Variants in PLCE1 observed in about 807,000 individuals in gnomAD.
PLCE1 encodes the protein phospholipase C epsilon 1, also known as 1-phosphatidylinositol 4,5-bisphosphate phosphodiesterase epsilon-1.
PLCE1 carries 119 observed loss-of-function variants against 242.8 expected under a neutral mutation model. That is an observed-to-expected ratio of 0.49 (90% confidence interval 0.42 to 0.57). PLCE1 has a LOEUF of 0.57. PLCE1 is among the 20% of genes least tolerant of loss of function. The probability of loss-of-function intolerance (pLI) is 0.00; values close to 1 mark genes in which losing one functional copy is unlikely to be tolerated. For missense variants in PLCE1, 2,441 were observed against 2,788.8 expected (o/e 0.88, Z 2.81); for synonymous variants, 945 against 1,017.4 (o/e 0.93, Z 1.35).
intron 7 of PLCE1, among the ~76,000 whole-genome samples, chr10:94,241,318 T>C (rs1295726435): frequency 2.6e-5 from 4 of 152,246 alleles, no homozygotes; most frequent in Non-Finnish European, 4.4e-5. Context: ...CATGCTTGAC[T>C]TAACTCAGAA....
chr10:94,204,803 C>T (rs2949003), intron 4 of PLCE1, among the ~76,000 whole-genome samples: 1 of 101,612 alleles, frequency 9.8e-6, no homozygotes, highest in African/African-American at 3.8e-5. Flanking sequence ...AGGAAGGAAG[C>T]AAAATAATGT....
Position 94,315,937 on chromosome 10 carries a change from A to G in PLCE1, c.6133-610A>G, listed in dbSNP as rs1378414418. On this transcript the variant is annotated intron_variant, in intron 28 of 32. Transcript: ENST00000371380. The stretch of plus-strand genomic sequence containing the variant: ...TCCAAGGGATTAAGTATCTTACCCA[A>G]TAATTCGTAGCCAACAAGTATTAAA... Among the ~76,000 whole-genome samples the G allele has an allele frequency of 3.3e-5, 5 of 152,104 alleles. No individual in the cohort carries two copies. In the East Asian group the frequency reaches 5.8e-4, roughly 18 times the overall value.
At chr10:94,247,685 T>TA (rs1421241636) in intron 8 of PLCE1, among the ~76,000 whole-genome samples, 16 of 152,224 alleles carry the variant, frequency 1.1e-4, no homozygotes, top group Non-Finnish European at 2.4e-4. Flanking sequence ...ATTAGGTTTG[T>TA]AGTGGTGGCA....
At chr10:94,004,215 G>A (rs1209141438) in intron 1 of PLCE1, among the ~76,000 whole-genome samples, 4 of 152,116 alleles carry the variant, frequency 2.6e-5, no homozygotes, top group Non-Finnish European at 4.4e-5. Flanking sequence ...GGCAGAATTG[G>A]AACTCTATTA....
At chr10:94,221,028 C>T (rs771538754) in intron 4 of PLCE1, among the ~76,000 whole-genome samples, 33 of 152,148 alleles carry the variant, frequency 2.2e-4, no homozygotes, top group Non-Finnish European at 3.8e-4. Context: ...TACAATTTTG[C>T]GCTGGTACTA....
chr10:94,171,229 T>C lies in PLCE1; in HGVS notation c.1542T>C (p.Ser514=). ...SVANSNALPS[S]SAGISKELID... Reference sequence around the variant, plus strand: ...CCAATTCCAATGCCCTCCCTTCAAGTTCAGCTGGGATCAGCAAGGAGCTGA... The same window carrying C: ...CCAATTCCAATGCCCTCCCTTCAAGCTCAGCTGGGATCAGCAAGGAGCTGA... Residue 514 remains serine (S), a synonymous_variant, in exon 4 of 33, where the codon AGT becomes AGC. Coordinates refer to ENST00000371380, the MANE Select transcript of PLCE1 (RefSeq NM_016341.4). 6.2e-7 allele frequency: 1 copy of C among 1,614,214 alleles called. No homozygotes were observed. The highest frequency in any genetic ancestry group is 8.5e-7 in the Non-Finnish European group (1 of 1,180,020).
intron 4 of PLCE1, among the ~76,000 whole-genome samples, chr10:94,183,838 A>G (rs1228934641): frequency 6.6e-6 from 1 of 152,162 alleles, no homozygotes; most frequent in East Asian, 1.9e-4. Context: ...GGGATGTCCC[A>G]GACTCTTAAA....
intron 18 of PLCE1, 98 bp downstream of exon 18, chr10:94,270,700 C>T (rs1328420692): frequency 6.2e-6 from 5 of 812,394 alleles, no homozygotes; most frequent in Non-Finnish European, 8.6e-6. Flanking sequence ...GACAGAGTCT[C>T]GCTCTCTCAC....
chr10:94,307,383 C>T (rs1218957595), intron 26 of PLCE1, among the ~76,000 whole-genome samples: 2 of 152,214 alleles, frequency 1.3e-5, no homozygotes, highest in Admixed American at 6.5e-5. Flanking sequence ...CACACTTCCT[C>T]TCCCAGCTAC....
At chr10:93,997,604 G>A (rs2060849836) in intron 1 of PLCE1, among the ~76,000 whole-genome samples, 1 of 150,632 alleles carries the variant, frequency 6.6e-6, no homozygotes, top group African/African-American at 2.4e-5. Context: ...TTAACCTCTG[G>A]GCTCATGACC....
chr10:94,047,388 G>A (rs141449826), intron 2 of PLCE1, among the ~76,000 whole-genome samples: 11 of 152,216 alleles, frequency 7.2e-5, no homozygotes, highest in Non-Finnish European at 1.5e-4. Context: ...ATTGACCACC[G>A]TTTTCTTTCA....
intron 2 of PLCE1, chr10:94,088,904 T>G: frequency 2.1e-6 from 1 of 471,162 alleles, no homozygotes; most frequent in Non-Finnish European, 3.6e-6. Flanking sequence ...CAAGGACATT[T>G]TTTTGTAATG....
At chr10:94,233,677 G>A (rs1008291469) in intron 5 of PLCE1, among the ~76,000 whole-genome samples, 1 of 152,202 alleles carries the variant, frequency 6.6e-6, no homozygotes, top group African/African-American at 2.4e-5. Context: ...GCTGGGCGCG[G>A]TGGCTCATGC....
Position 94,279,902 on chromosome 10 carries a change from C to T in PLCE1, c.4786C>T (p.Leu1596Phe). ...CGAATATGATTATGACTATGAATCC[C>T]TTTCTGATGGTAAGAGAAACAGATC... is the stretch of plus-strand genomic sequence containing the variant. ...EDEYDYDYES[L>F]SDDNILEDRP... The change falls in exon 20 of 33, where the codon CTT (leucine) becomes TTT (phenylalanine). Residue 1596 changes from leucine to phenylalanine, a missense_variant. Transcript: ENST00000371380. The T allele has an allele frequency of 6.2e-7, 1 of 1,613,668 alleles. No individual in the cohort carries two copies. Among genetic ancestry groups the T allele is most frequent in the Non-Finnish European group, 8.5e-7 (1 of 1,179,706 alleles).
chr10:94,008,392 T>C (rs967586409), intron 1 of PLCE1, among the ~76,000 whole-genome samples: 5 of 152,050 alleles, frequency 3.3e-5, no homozygotes, highest in African/African-American at 1.2e-4. Flanking sequence ...CACTACAACC[T>C]CCACCTCCCT....
intron 19 of PLCE1, 45 bp downstream of exon 19, chr10:94,273,765 G>GA: frequency 1.3e-6 from 2 of 1,562,852 alleles, no homozygotes; most frequent in Non-Finnish European, 1.8e-6. Context: ...AGTGTGCCTA[G>GA]AACAAAGAAA....
chr10:94,155,134 A>G (rs914399773), intron 3 of PLCE1, among the ~76,000 whole-genome samples: 1 of 152,008 alleles, frequency 6.6e-6, no homozygotes, highest in Non-Finnish European at 1.5e-5. Flanking sequence ...ACTGCTAGTT[A>G]TATACCCAAG....
At chr10:94,026,503 T>G (rs2061455342) in intron 1 of PLCE1, among the ~76,000 whole-genome samples, 1 of 152,142 alleles carries the variant, frequency 6.6e-6, no homozygotes, top group Non-Finnish European at 1.5e-5. Flanking sequence ...TGTTCTTCAT[T>G]CAGTGCTTTA....
In PLCE1 at chr10:94,332,188, C is replaced by T. The variant is rs954524740; in HGVS notation, c.*4245C>T. The T allele has an allele frequency of 2.6e-5, 4 of 152,160 alleles. No individual in the cohort carries two copies. The highest frequency in any genetic ancestry group is 9.7e-5 in the African/African-American group (4 of 41,436). The allele number at this position is 152,160 out of a possible 1,614,324, so 9.4% of individuals were successfully genotyped here. Reference sequence around the variant, plus strand: ...CTGGCCTACCTACTCTTATACATCTCTTAGATTCAAAACATACTATGCACA... The same window carrying T: ...CTGGCCTACCTACTCTTATACATCTTTTAGATTCAAAACATACTATGCACA... On this transcript the variant is annotated 3_prime_UTR_variant, in exon 33 of 33. Coordinates refer to ENST00000371380, the MANE Select transcript of PLCE1 (RefSeq NM_016341.4).
Sources: allele counts gnomAD v4.1 joint callset (sites outside exome capture counted in the v4.1 genomes callset), GRCh38; gene constraint gnomAD v4.1.1; transcripts MANE v1.5; gene names NCBI Gene and HGNC (gene_info 2026-07-23, HGNC 2026-07-21).